Variants in SPAG4 observed in about 807,000 individuals in gnomAD.
The protein encoded by SPAG4 is sperm-associated antigen 4 protein.
In SPAG4, 54 loss-of-function variants were observed where a neutral mutation model predicts 53.9. The observed-to-expected ratio is 1.00, with a 90% CI of 0.80 to 1.26. The LOEUF (loss-of-function observed/expected upper bound fraction) is 1.26. Among genes scored for constraint, SPAG4 ranks in the 50% most tolerant of loss-of-function variants. The pLI, the probability that SPAG4 is intolerant of heterozygous loss-of-function variation, is 0.00. For synonymous variants in SPAG4, 246 were observed against 237.4 expected, an observed-to-expected ratio of 1.04 and a Z score of -0.33; for missense variants, 548 against 568.6, an observed-to-expected ratio of 0.96 and a Z score of 0.37.
In SPAG4 at chr20:35,619,010, A is replaced by T; in HGVS notation, c.793+12A>T. The T allele has an allele frequency of 6.2e-7, 1 of 1,608,096 alleles. No individual in the cohort carries two copies. The highest frequency in any genetic ancestry group is 8.5e-7 in the Non-Finnish European group (1 of 1,174,584). ...TTTGAGCTCTGTGGGTAAGACCCGG[A>T]GACACTGGAAGACAGAGACGCAGAC... On this transcript the variant is annotated intron_variant, in intron 8 of 11. Transcript: ENST00000374273.
chr20:35,616,573 T>C (rs963183671), intron 1 of SPAG4, among the ~76,000 whole-genome samples: 1 of 151,152 alleles, frequency 6.6e-6, no homozygotes, highest in African/African-American at 2.4e-5. Flanking sequence ...CCCAGGACAA[T>C]TGGGTTCCAC....
At chr20:35,618,870 TA>T in intron 7 of SPAG4, 52 bp from the exon 8 acceptor site, 1 of 1,565,606 alleles carries the variant, frequency 6.4e-7, no homozygotes. Context: ...CGTCCACCTG[TA>T]AAAGCAGCCC....
intron 4 of SPAG4, 84 bp from the exon 5 acceptor site, chr20:35,618,003 C>G (rs2031445838): frequency 1.4e-6 from 2 of 1,470,288 alleles, no homozygotes; most frequent in South Asian, 1.2e-5. Flanking sequence ...TTAACCCCCT[C>G]AAGCCTCTTT....
In SPAG4 at chr20:35,615,839, C is replaced by T; in HGVS notation, c.-165C>T. 1 of 607,718 alleles carries T rather than the reference C, an allele frequency of 1.6e-6. No homozygotes were observed. Among genetic ancestry groups the T allele is most frequent in the Non-Finnish European group, 2.7e-6 (1 of 366,012 alleles). The allele number at this position is 607,718 out of a possible 1,614,324, so 37.6% of individuals were successfully genotyped here. A position where few individuals can be genotyped will look rare whatever the true frequency, so the allele number is the denominator to read the frequency against. ...GACCGAGGCTCCTCTGTGACGTCAG[C>T]AGCCGGCCGGGACACAGCGGGAGGG... On this transcript the variant is annotated 5_prime_UTR_variant, in exon 1 of 12. Transcript: ENST00000374273.
chr20:35,619,038 G>A, intron 8 of SPAG4, 40 bp downstream of exon 8: 1 of 1,574,636 alleles, frequency 6.4e-7, no homozygotes, highest in Non-Finnish European at 8.7e-7. Flanking sequence ...ACGCAGACAG[G>A]AAAGAGGCCA....
intron 3 of SPAG4, 26 bp downstream of exon 3, chr20:35,617,612 C>T (rs1384123794): frequency 6.2e-7 from 1 of 1,608,522 alleles, no homozygotes. Context: ...GCTGGCGCCC[C>T]AGGAACAGCT....
chr20:35,619,259 G>C lies in SPAG4; in HGVS notation c.858G>C (p.Trp286Cys). 2 of 1,614,060 alleles carry C rather than the reference G, an allele frequency of 1.2e-6. No individual in the cohort carries two copies. Among genetic ancestry groups the C allele is most frequent in the South Asian group, 2.2e-5 (2 of 91,068 alleles). Residue 286 changes from tryptophan (W) to cysteine (C), a missense_variant, in exon 9 of 12, where the codon TGG becomes TGC. By Grantham distance (215) the Trp-to-Cys change is radical. Transcript: ENST00000374273. The part of the protein sequence containing the change: ...DYADRNTAYF[W>C]NRFSFWNYAR... Reference sequence around the variant, plus strand: ...CAGACAGGAACACTGCCTACTTCTGGAATCGCTTCAGCTTCTGGAACTACG... The same window carrying C: ...CAGACAGGAACACTGCCTACTTCTGCAATCGCTTCAGCTTCTGGAACTACG...
At position 35,617,826 on chromosome 20, in the gene SPAG4, G is replaced by T. The variant is rs1216273381; in HGVS notation, c.524G>T (p.Ser175Ile). The T allele has an allele frequency of 1.9e-6, 3 of 1,614,106 alleles. No homozygotes were observed. The Admixed American group carries it at 5.0e-5, about 27-fold the overall frequency. The change falls in exon 4 of 12, where the codon AGC becomes ATC. Residue 175 changes from serine to isoleucine, a missense_variant. Transcript: ENST00000374273. ...CTGTTCACGGCTGTGTCGCTGCTGA[G>T]CCTCTTTCTGTCAGGTGAGGGGCAG... ...RFLFTAVSLLSLFLSAFWLGL... is the reference protein window; with the variant it reads ...RFLFTAVSLLILFLSAFWLGL...
chr20:35,619,630 G>T lies in SPAG4; in HGVS notation c.961G>T (p.Val321Leu). ...GGCTTTTGAAGGCGACCAAGGCCAG[G>T]TGGTGATCCAACTGCCGGGCCGAGT... ...CWAFEGDQGQ[V>L]VIQLPGRVQL... The change falls in exon 10 of 12, where the codon GTG becomes TTG. Residue 321 changes from valine (V) to leucine (L), a missense_variant. Val to Leu is a conservative substitution (Grantham distance 32). Coordinates refer to ENST00000374273, the MANE Select transcript of SPAG4 (RefSeq NM_003116.3). 6.2e-7 allele frequency: 1 copy of T among 1,614,050 alleles called. No individual in the cohort carries two copies.
chr20:35,620,652 C>T, intron 10 of SPAG4, 32 bp from the exon 11 acceptor site: 1 of 1,300,356 alleles, frequency 7.7e-7, no homozygotes, highest in Non-Finnish European at 1.1e-6. Context: ...CTGTCCCCCT[C>T]ATAGTTCCTC....
chr20:35,619,408 G>A, intron 9 of SPAG4, 98 bp downstream of exon 9: 3 of 1,400,534 alleles, frequency 2.1e-6, no homozygotes, highest in Non-Finnish European at 3.0e-6. Context: ...AGCCGAGGGC[G>A]TGGAGGATGG....
intron 2 of SPAG4, 64 bp downstream of exon 2, chr20:35,617,304 T>A: frequency 8.3e-7 from 1 of 1,198,770 alleles, no homozygotes; most frequent in Non-Finnish European, 1.2e-6. Context: ...ACTCCAGTTC[T>A]CTCTGAGCCC....
At position 35,618,718 on chromosome 20, in the gene SPAG4, G is replaced by T; in HGVS notation, c.715G>T (p.Glu239Ter). The change falls in exon 7 of 12, where the codon GAG becomes TAG. Residue 239 changes from glutamate to a stop codon, truncating the protein, a stop_gained and splice_region_variant. Coordinates refer to ENST00000374273, the MANE Select transcript of SPAG4 (RefSeq NM_003116.3). LOFTEE classifies it high-confidence loss of function. ...GTCCACTGTTCGGGCAGCCAACAGC[G>T]AGGTGAGCCCCGGCCCACCTTGGAA... is the stretch of plus-strand genomic sequence containing the variant. The part of the protein sequence containing the change: ...EVSTVRAANS[E>*]RVAKLVFQRL... 1 of 1,578,512 alleles carries T rather than the reference G, an allele frequency of 6.3e-7. No individual in the cohort carries two copies. The highest frequency in any genetic ancestry group is 8.6e-7 in the Non-Finnish European group (1 of 1,161,060).
Position 35,617,771 on chromosome 20 carries a change from T to C in SPAG4, c.477-8T>C. On this transcript the variant is annotated splice_region_variant and splice_polypyrimidine_tract_variant and intron_variant, in intron 3 of 11. Transcript: ENST00000374273. ...GGTCGGGGCCTCAGCCTCCCTCCGG[T>C]TCCCCAGGGAGGTCTGTTCCATCCG... 1.9e-6 allele frequency: 3 copies of C among 1,613,328 alleles called. No homozygotes were observed. Among genetic ancestry groups the C allele is most frequent in the Non-Finnish European group, 2.5e-6 (3 of 1,179,516 alleles).
chr20:35,618,732 C>T lies in SPAG4; in HGVS notation c.717+12C>T, dbSNP rs770943506. ...CAGCCAACAGCGAGGTGAGCCCCGG[C>T]CCACCTTGGAAACCCCTGATGGATC... is the stretch of plus-strand genomic sequence containing the variant. On this transcript the variant is annotated intron_variant, in intron 7 of 11. Transcript: ENST00000374273. 1 of 1,560,638 alleles carries T rather than the reference C, an allele frequency of 6.4e-7. No individual in the cohort carries two copies. The highest frequency in any genetic ancestry group is 1.4e-5 in the African/African-American group (1 of 73,698).
Position 35,616,302 on chromosome 20 carries a change from CCTCGGGTGCGGGCGGGGT to C in SPAG4, c.301_304+14del. On this transcript the variant is annotated splice_donor_variant and splice_donor_5th_base_variant and coding_sequence_variant and intron_variant, in exon 1 of 12. Transcript: ENST00000374273. LOFTEE classifies it high-confidence loss of function. Reference sequence around the variant, plus strand: ...GGCGCGGCAACCGTGAGGGGCGGGGCCTCGGGTGCGGGCGGGGTCGACCCCGGGTGAGCCAGTGGAGGG... The same window carrying C: ...GGCGCGGCAACCGTGAGGGGCGGGGCCGACCCCGGGTGAGCCAGTGGAGGG... 6.8e-7 allele frequency: 1 copy of C among 1,477,880 alleles called. No homozygotes were observed. The highest frequency in any genetic ancestry group is 8.9e-7 in the Non-Finnish European group (1 of 1,118,838). The allele number at this position is 1,477,880 out of a possible 1,614,324, so 91.5% of individuals were successfully genotyped here.
chr20:35,617,346 C>T (rs1968594593), intron 2 of SPAG4, 106 bp downstream of exon 2: 1 of 955,372 alleles, frequency 1.0e-6, no homozygotes, highest in Non-Finnish European at 1.6e-6. Flanking sequence ...AGCCCCTCTC[C>T]GAGCCTCAAC....
chr20:35,618,162 G>T (rs745318306), intron 5 of SPAG4, 32 bp downstream of exon 5: 1 of 1,606,298 alleles, frequency 6.2e-7, no homozygotes, highest in Non-Finnish European at 8.5e-7. Context: ...GGGGTAGGGG[G>T]TTGGCAGGTT....
At chr20:35,619,339 C>A (rs2031497053) in intron 9 of SPAG4, 29 bp downstream of exon 9, 1 of 1,583,588 alleles carries the variant, frequency 6.3e-7, no homozygotes, top group Non-Finnish European at 8.7e-7. Context: ...CGGGATGGGA[C>A]CCCGGGCGGG....
Sources: gnomAD v4.1 joint callset for allele counts (sites outside exome capture counted in the v4.1 genomes callset) on GRCh38, gnomAD v4.1.1 for gene constraint, MANE v1.5 for transcripts, NCBI Gene and HGNC (gene_info 2026-07-23, HGNC 2026-07-21) for gene names.